Variants in MYO9A observed in about 807,000 individuals in gnomAD.
MYO9A encodes the protein myosin IXA.
In MYO9A, 103 loss-of-function variants were observed where a neutral mutation model predicts 293.3. The ratio of observed to expected loss-of-function variants is 0.35; its 90% confidence interval spans 0.30 to 0.41. The LOEUF is 0.41. Among genes scored for constraint, MYO9A ranks in the 10% least tolerant of loss-of-function variants. MYO9A has a pLI of 1.00. For synonymous variants in MYO9A, 1,001 were observed against 1,035.7 expected (o/e 0.97, Z 0.64); for missense variants, 2,685 against 3,033.0 (o/e 0.89, Z 2.69).
At chr15:72,030,817 G>A (rs775376591) in intron 3 of MYO9A, among the ~76,000 whole-genome samples, 11 of 152,040 alleles carry the variant, frequency 7.2e-5, no homozygotes, top group Non-Finnish European at 1.3e-4. Context: ...CCTGGCCTGC[G>A]TCTTTTCTTC....
At chr15:71,967,042 C>T (rs920098086) in intron 13 of MYO9A, among the ~76,000 whole-genome samples, 4 of 152,144 alleles carry the variant, frequency 2.6e-5, no homozygotes, top group Middle Eastern at 3.4e-3. Context: ...ATTCATCATC[C>T]GAACTCCTCA....
chr15:72,034,040 G>A (rs573488170), intron 2 of MYO9A, among the ~76,000 whole-genome samples: 1 of 152,148 alleles, frequency 6.6e-6, no homozygotes, highest in African/African-American at 2.4e-5. Context: ...CTGTAACTGT[G>A]CAGAGCATAT....
chr15:72,098,004 A>T (rs2080121336), intron 1 of MYO9A, among the ~76,000 whole-genome samples: 1 of 152,168 alleles, frequency 6.6e-6, no homozygotes, highest in African/African-American at 2.4e-5. Context: ...TCTGAAAACA[A>T]TTAACTAGAA....
At chr15:72,109,150 G>A (rs568882275) in intron 1 of MYO9A, among the ~76,000 whole-genome samples, 21 of 152,220 alleles carry the variant, frequency 1.4e-4, no homozygotes, top group African/African-American at 4.8e-4. Flanking sequence ...CATTCTGGGA[G>A]GCCGAGGCAG....
chr15:71,976,477 T>C (rs1268933315), intron 12 of MYO9A, among the ~76,000 whole-genome samples: 1 of 152,212 alleles, frequency 6.6e-6, no homozygotes, highest in African/African-American at 2.4e-5. Context: ...TTTTCTTGGA[T>C]TGTTTCTTAA....
chr15:72,057,864 G>A (rs993619754), intron 1 of MYO9A, among the ~76,000 whole-genome samples: 2 of 152,294 alleles, frequency 1.3e-5, no homozygotes, highest in Admixed American at 1.3e-4. Context: ...TGTTAAGTGT[G>A]CCAATCAATT....
chr15:71,913,295 A>G (rs1169182042), intron 19 of MYO9A, among the ~76,000 whole-genome samples: 4 of 152,156 alleles, frequency 2.6e-5, no homozygotes, highest in South Asian at 2.1e-4. Context: ...TTTAATCTCT[A>G]AAAGTTCCAT....
chr15:72,034,620 A>C (rs999119933), intron 2 of MYO9A, among the ~76,000 whole-genome samples: 1 of 152,210 alleles, frequency 6.6e-6, no homozygotes, highest in Admixed American at 6.5e-5. Context: ...TCCACCATAG[A>C]AAGTTTTTTA....
In MYO9A at chr15:71,822,806, T is replaced by C. The variant is rs1489418105; in HGVS notation, c.*3774A>G. On this transcript the variant is annotated 3_prime_UTR_variant, in exon 42 of 42. Coordinates refer to ENST00000356056, the MANE Select transcript of MYO9A (RefSeq NM_006901.4). ...CCCATTGTTGGGGCTTTTTTGAAAA[T>C]AGTTTCAACCAGGGGACCAACATGA... 6.6e-6 allele frequency: 1 copy of C among 151,912 alleles called. No homozygotes were observed. Among genetic ancestry groups the C allele is most frequent in the Admixed American group, 6.6e-5 (1 of 15,246 alleles). The allele number at this position is 151,912 out of a possible 1,614,324, so 9.4% of individuals were successfully genotyped here. A position where few individuals can be genotyped will look rare whatever the true frequency, so the allele number is the denominator to read the frequency against.
At chr15:71,853,438 T>G (rs895939156) in intron 35 of MYO9A, among the ~76,000 whole-genome samples, 3 of 152,204 alleles carry the variant, frequency 2.0e-5, no homozygotes, top group African/African-American at 4.8e-5. Flanking sequence ...TTTTCACTTG[T>G]GCTATTTCAA....
intron 12 of MYO9A, 68 bp downstream of exon 12, chr15:71,978,103 A>T (rs2076188086): frequency 6.4e-7 from 1 of 1,552,596 alleles, no homozygotes; most frequent in South Asian, 1.2e-5. Context: ...GTAAGAAAAA[A>T]GTTTAAACTT....
Position 71,827,936 on chromosome 15 carries a change from A to C in MYO9A, c.7131T>G (p.Asp2377Glu). The C allele has an allele frequency of 6.2e-7, 1 of 1,613,910 alleles. No homozygotes were observed. Among genetic ancestry groups the C allele is most frequent in the Non-Finnish European group, 8.5e-7 (1 of 1,179,848 alleles). The change falls in exon 41 of 42, where the codon GAT becomes GAG. Residue 2377 changes from aspartate (D) to glutamate (E), a missense_variant. By Grantham distance (45) the Asp-to-Glu change is conservative. Transcript: ENST00000356056. Reference protein sequence around the residue: ...LESEASIGTADSSENLNMESE... With the variant: ...LESEASIGTAESSENLNMESE... Reference sequence around the variant, plus strand: ...ACTCCATATTCAAATTCTCTGAGCTATCAGCAGTCCCAATGGAGGCCTCAG... The same window carrying C: ...ACTCCATATTCAAATTCTCTGAGCTCTCAGCAGTCCCAATGGAGGCCTCAG...
intron 11 of MYO9A, among the ~76,000 whole-genome samples, chr15:71,985,139 T>TG (rs1382094026): frequency 7.9e-5 from 12 of 152,224 alleles, no homozygotes; most frequent in African/African-American, 2.4e-4. Context: ...AGGCTGGTCT[T>TG]GAACTCCTGA....
intron 8 of MYO9A, among the ~76,000 whole-genome samples, chr15:72,006,974 C>G (rs1039263036): frequency 3.9e-5 from 6 of 152,196 alleles, no homozygotes; most frequent in African/African-American, 1.4e-4. Flanking sequence ...TGGCAGAGGA[C>G]AGAAGACAGC....
chr15:71,910,162 ATACGTG>A lies in MYO9A; in HGVS notation c.2686-5162_2686-5157del, dbSNP rs1293887458. 8.0e-3 allele frequency among the ~76,000 whole-genome samples: 210 copies of A among 26,264 alleles called. 1 individual carries two copies. Among genetic ancestry groups the A allele is most frequent in the Non-Finnish European group, 0.02 (168 of 8,208 alleles). The allele number at this position is 26,264 out of a possible 152,430, so 17.2% of individuals were successfully genotyped here. A position where few individuals can be genotyped will look rare whatever the true frequency, so the allele number is the denominator to read the frequency against. ...TATATACGTGTGTGTGTATATATAT[ATACGTG>A]TATATATATATATAAAATCAGAAAC... On this transcript the variant is annotated intron_variant, in intron 19 of 41. Transcript: ENST00000356056.
At chr15:71,944,513 TC>T (rs1455984616) in intron 15 of MYO9A, among the ~76,000 whole-genome samples, 1 of 152,150 alleles carries the variant, frequency 6.6e-6, no homozygotes, top group East Asian at 1.9e-4. Context: ...ATGACACATT[TC>T]AAAATTAACT....
chr15:71,828,665 T>C (rs547120451), intron 40 of MYO9A, among the ~76,000 whole-genome samples: 2 of 152,344 alleles, frequency 1.3e-5, no homozygotes, highest in East Asian at 3.9e-4. Context: ...GTGAGGTCTT[T>C]GGTACTCAGA....
chr15:71,986,187 T>C (rs2076403315), intron 11 of MYO9A, among the ~76,000 whole-genome samples: 3 of 152,144 alleles, frequency 2.0e-5, no homozygotes, highest in Admixed American at 2.0e-4. Flanking sequence ...CCATTTACAG[T>C]GTATTAAGTA....
chr15:72,040,084 T>A (rs2078179958), intron 2 of MYO9A: 1 of 153,492 alleles, frequency 6.5e-6, no homozygotes, highest in African/African-American at 2.4e-5. Context: ...CAGGAATATG[T>A]CAGAACATAG....
Sources: allele counts gnomAD v4.1 joint callset (sites outside exome capture counted in the v4.1 genomes callset), GRCh38; gene constraint gnomAD v4.1.1; transcripts MANE v1.5; gene names NCBI Gene and HGNC (gene_info 2026-07-23, HGNC 2026-07-21).